The following IL1RAPL1 variants were observed in gnomAD, a reference collection of about 807,000 sequenced individuals.
IL1RAPL1 encodes the protein interleukin-1 receptor accessory protein-like 1.
IL1RAPL1 carries 3 observed loss-of-function variants against 48.4 expected under a neutral mutation model. The observed-to-expected ratio is 0.06, with a 90% CI of 0.03 to 0.16. IL1RAPL1 has a LOEUF of 0.16. Ranked by LOEUF, IL1RAPL1 falls within the 10% of genes least tolerant of loss-of-function variation. The pLI is 1.00. For synonymous variants in IL1RAPL1, 185 were observed against 187.7 expected (o/e 0.99, Z 0.12); for missense variants, 349 against 530.6 (o/e 0.66, Z 3.36).
intron 5 of IL1RAPL1, among the ~76,000 whole-genome samples, chrX:29,660,603 G>A (rs1168179647): frequency 8.9e-6 from 1 of 111,792 alleles, no homozygotes; most frequent in Non-Finnish European, 1.9e-5. Context: ...TTTCCCCAAT[G>A]TATGTTCCTG....
At chrX:29,706,904 C>A (rs1417169865) in intron 6 of IL1RAPL1, among the ~76,000 whole-genome samples, 2 of 111,045 alleles carry the variant, frequency 1.8e-5, no homozygotes, top group African/African-American at 6.6e-5. Context: ...GACCATGAAC[C>A]CAAAAGCAAA....
chrX:29,012,256 G>T (rs1333650364), intron 2 of IL1RAPL1, among the ~76,000 whole-genome samples: 1 of 112,518 alleles, frequency 8.9e-6, no homozygotes, highest in Non-Finnish European at 1.9e-5. Flanking sequence ...TTAAAAAGAG[G>T]CCCTGGCGGG....
At chrX:29,180,528 C>G (rs1930123262) in intron 2 of IL1RAPL1, among the ~76,000 whole-genome samples, 1 of 109,814 alleles carries the variant, frequency 9.1e-6, no homozygotes, top group Non-Finnish European at 1.9e-5. Context: ...AGGCACCCAC[C>G]ACCACACCTG....
chrX:29,722,154 T>C (rs1361189337), intron 6 of IL1RAPL1, among the ~76,000 whole-genome samples: 1 of 111,675 alleles, frequency 9.0e-6, no homozygotes, highest in Non-Finnish European at 1.9e-5. Flanking sequence ...CAAATTAACA[T>C]TTACCTTCCC....
intron 2 of IL1RAPL1, among the ~76,000 whole-genome samples, chrX:29,000,366 C>A (rs1016576072): frequency 9.0e-6 from 1 of 111,473 alleles, no homozygotes; most frequent in Non-Finnish European, 1.9e-5. Context: ...CTCATTTCCA[C>A]CCTAGAAGTC....
At chrX:28,644,484 G>A (rs1426055149) in intron 1 of IL1RAPL1, among the ~76,000 whole-genome samples, 1 of 111,262 alleles carries the variant, frequency 9.0e-6, no homozygotes, top group African/African-American at 3.3e-5. Context: ...AAGGGCCCTA[G>A]CTTTGTCATG....
chrX:29,130,491 C>A (rs942512126), intron 2 of IL1RAPL1, among the ~76,000 whole-genome samples: 1 of 112,283 alleles, frequency 8.9e-6, no homozygotes, highest in Non-Finnish European at 1.9e-5. Context: ...TCTTATTCAA[C>A]TCAGCATGTT....
intron 1 of IL1RAPL1, among the ~76,000 whole-genome samples, chrX:28,754,153 A>G (rs886544331): frequency 2.7e-5 from 3 of 110,992 alleles, no homozygotes; most frequent in South Asian, 3.8e-4. Flanking sequence ...TCCTTTGCTC[A>G]TCACCTTGGG....
chrX:29,334,960 C>G (rs1259836890), intron 3 of IL1RAPL1, among the ~76,000 whole-genome samples: 2 of 112,465 alleles, frequency 1.8e-5, no homozygotes, highest in African/African-American at 3.2e-5. Context: ...GCCGAGATCA[C>G]GCCACTGCAC....
At chrX:29,475,980 G>T (rs1934969493) in intron 5 of IL1RAPL1, among the ~76,000 whole-genome samples, 1 of 111,537 alleles carries the variant, frequency 9.0e-6, no homozygotes, top group South Asian at 3.7e-4. Context: ...TTAAAGGATG[G>T]ATTTTTAAGA....
Position 29,703,436 on chromosome X carries a change from G to A in IL1RAPL1, c.778+34932G>A, listed in dbSNP as rs1323299035. Among the ~76,000 whole-genome samples, 5 of 110,672 alleles carry A rather than the reference G, an allele frequency of 4.5e-5. No homozygotes were observed. The East Asian group carries it at 8.5e-4, about 19-fold the overall frequency. ...CCGCTCACTGCAAGCTCCGCCTCCCGGGTTCACACCATTCTCCTGCCTTAG... is the reference window on the plus strand; with the variant it reads ...CCGCTCACTGCAAGCTCCGCCTCCCAGGTTCACACCATTCTCCTGCCTTAG... On this transcript the variant is annotated intron_variant, in intron 6 of 10. Coordinates refer to ENST00000378993, the MANE Select transcript of IL1RAPL1 (RefSeq NM_014271.4).
At chrX:28,658,173 C>T (rs1362805850) in intron 1 of IL1RAPL1, among the ~76,000 whole-genome samples, 1 of 111,936 alleles carries the variant, frequency 8.9e-6, no homozygotes, top group East Asian at 2.8e-4. Flanking sequence ...GAATGAATTC[C>T]CATGTCCTCC....
At chrX:29,376,749 C>T (rs1933629684) in intron 3 of IL1RAPL1, among the ~76,000 whole-genome samples, 1 of 111,848 alleles carries the variant, frequency 8.9e-6, no homozygotes, top group Admixed American at 9.5e-5. Context: ...GTGTGCTTGA[C>T]ATGATTTTGA....
chrX:29,248,530 T>G (rs748666793), intron 2 of IL1RAPL1, among the ~76,000 whole-genome samples: 8 of 112,629 alleles, frequency 7.1e-5, no homozygotes, highest in South Asian at 7.3e-4. Flanking sequence ...AAAATGCACA[T>G]ATGATATGAA....
intron 5 of IL1RAPL1, among the ~76,000 whole-genome samples, chrX:29,510,283 A>G (rs6628436): frequency 1.8e-5 from 2 of 111,057 alleles, no homozygotes; most frequent in African/African-American, 3.3e-5. Context: ...GAAAGCCTAG[A>G]TGGAGGACAT....
At chrX:29,803,836 T>C (rs945110699) in intron 6 of IL1RAPL1, among the ~76,000 whole-genome samples, 2 of 110,321 alleles carry the variant, frequency 1.8e-5, no homozygotes, top group African/African-American at 6.6e-5. Flanking sequence ...AGCATTACTT[T>C]AAATGTCAGG....
At chrX:28,981,878 C>T (rs945626718) in intron 2 of IL1RAPL1, among the ~76,000 whole-genome samples, 2 of 111,561 alleles carry the variant, frequency 1.8e-5, no homozygotes, top group Non-Finnish European at 3.8e-5. Flanking sequence ...CCCTACTTAT[C>T]TCCCTTTAAC....
At chrX:29,783,115 G>A (rs1009466779) in intron 6 of IL1RAPL1, among the ~76,000 whole-genome samples, 33 of 107,779 alleles carry the variant, frequency 3.1e-4, no homozygotes, top group African/African-American at 1.0e-3. Context: ...CGTTTTAGCC[G>A]GGATGGTCTC....
At chrX:29,533,530 G>C (rs1921114795) in intron 5 of IL1RAPL1, among the ~76,000 whole-genome samples, 1 of 111,952 alleles carries the variant, frequency 8.9e-6, no homozygotes, top group African/African-American at 3.3e-5. Flanking sequence ...TTTCTGCTTT[G>C]AGCTAGTAGA....
Sources: gnomAD v4.1 joint callset for allele counts (sites outside exome capture counted in the v4.1 genomes callset) on GRCh38, gnomAD v4.1.1 for gene constraint, MANE v1.5 for transcripts, NCBI Gene and HGNC (gene_info 2026-07-23, HGNC 2026-07-21) for gene names.